Variants in PAIP2B observed in about 807,000 individuals in gnomAD.
The protein encoded by PAIP2B is polyadenylate-binding protein-interacting protein 2B.
PAIP2B carries 13 observed loss-of-function variants against 17.0 expected under a neutral mutation model. The observed-to-expected ratio is 0.76, with a 90% CI of 0.50 to 1.22. The LOEUF is 1.22. PAIP2B is among the 50% of genes most tolerant of loss of function. PAIP2B has a pLI of 0.00. For synonymous variants in PAIP2B, 43 were observed against 48.7 expected (o/e 0.88, Z 0.48); for missense variants, 117 against 144.5 (o/e 0.81, Z 0.98).
intron 2 of PAIP2B, among the ~76,000 whole-genome samples, chr2:71,191,764 C>T (rs1210791762): frequency 6.6e-6 from 1 of 152,210 alleles, no homozygotes; most frequent in African/African-American, 2.4e-5. Flanking sequence ...TTTCCCTCAG[C>T]CACGCAGCTG....
At chr2:71,215,736 G>A (rs1675414340) in intron 1 of PAIP2B, among the ~76,000 whole-genome samples, 2 of 152,174 alleles carry the variant, frequency 1.3e-5, no homozygotes, top group Non-Finnish European at 2.9e-5. Context: ...TCTCTTCAAC[G>A]CAAAGATTCT....
chr2:71,216,021 C>T (rs1675422094), intron 1 of PAIP2B, among the ~76,000 whole-genome samples: 1 of 152,174 alleles, frequency 6.6e-6, no homozygotes, highest in African/African-American at 2.4e-5. Context: ...AAACCCATAG[C>T]ATGCTTGATG....
rs554455581 is a variant in PAIP2B, at chr2:71,188,182, G to A, written c.*297C>T. ...AGCTTATTTTGTTTAAATACACACC[G>A]CGGAACACTTCTGATGAAGGGGGGA... On this transcript the variant is annotated 3_prime_UTR_variant, in exon 4 of 4. Transcript: ENST00000244221. 6 of 398,896 alleles carry A rather than the reference G, an allele frequency of 1.5e-5. No homozygotes were observed. Among genetic ancestry groups the A allele is most frequent in the East Asian group, 4.7e-5 (1 of 21,374 alleles). 24.7% of individuals were successfully genotyped at this position (398,896 alleles called of 1,614,324 possible). A position where few individuals can be genotyped will look rare whatever the true frequency, so the allele number is the denominator to read the frequency against.
chr2:71,189,994 A>T lies in PAIP2B; in HGVS notation c.166T>A (p.Phe56Ile), dbSNP rs1674644374. ...QVEEELQEQD[F>I]LDRCFQEMLD... ...ATCTCTTGGAAGCAGCGGTCCAAGA[A>T]GTCTTGCTCCTGCAGTTCCTCCTCC... The change falls in exon 3 of 4, where the codon TTC becomes ATC. Residue 56 changes from phenylalanine to isoleucine, a missense_variant. Coordinates refer to ENST00000244221, the MANE Select transcript of PAIP2B (RefSeq NM_020459.1). 2 of 1,612,714 alleles carry T rather than the reference A, an allele frequency of 1.2e-6. No homozygotes were observed. Among genetic ancestry groups the T allele is most frequent in the Admixed American group, 3.3e-5 (2 of 59,898 alleles).
At chr2:71,188,875 C>G (rs1283636363) in intron 3 of PAIP2B, among the ~76,000 whole-genome samples, 23 of 152,144 alleles carry the variant, frequency 1.5e-4, no homozygotes, top group Admixed American at 1.5e-3. Context: ...ATACCACAAT[C>G]TCTATTTTTC....
chr2:71,189,780 G>T, intron 3 of PAIP2B, 65 bp downstream of exon 3: 1 of 1,423,094 alleles, frequency 7.0e-7, no homozygotes. Context: ...TGGAAAGAAA[G>T]TCTGTCATTC....
At chr2:71,223,478 A>G (rs111673863) in intron 1 of PAIP2B, among the ~76,000 whole-genome samples, 24,282 of 148,892 alleles carry the variant, frequency 0.16, 2,112 homozygotes, top group African/African-American at 0.22. Flanking sequence ...TCACTCTGTC[A>G]CCCAGGCTGG....
At chr2:71,209,549 T>C (rs1675233507) in intron 1 of PAIP2B, among the ~76,000 whole-genome samples, 1 of 152,108 alleles carries the variant, frequency 6.6e-6, no homozygotes, top group African/African-American at 2.4e-5. Flanking sequence ...AGGAGAAAGA[T>C]TTTATCCATT....
chr2:71,184,553 C>A lies in PAIP2B; in HGVS notation c.*3926G>T, dbSNP rs796066580. The A allele has an allele frequency of 2.6e-5, 4 of 152,138 alleles. No individual in the cohort carries two copies. The highest frequency in any genetic ancestry group is 4.2e-4 in the South Asian group (2 of 4,810). The allele number at this position is 152,138 out of a possible 1,614,324, so 9.4% of individuals were successfully genotyped here. A position where few individuals can be genotyped will look rare whatever the true frequency, so the allele number is the denominator to read the frequency against. ...AGAAGATTAAAACAAAGGAAAAAAA[C>A]CCAAAAAAACTGTTTCCAAATTGTA... On this transcript the variant is annotated 3_prime_UTR_variant, in exon 4 of 4. Coordinates refer to ENST00000244221, the MANE Select transcript of PAIP2B (RefSeq NM_020459.1).
At chr2:71,192,945 G>C (rs1674723953) in intron 2 of PAIP2B, among the ~76,000 whole-genome samples, 1 of 152,224 alleles carries the variant, frequency 6.6e-6, no homozygotes, top group African/African-American at 2.4e-5. Context: ...ACATTCCTCT[G>C]GGTCTACAAC....
chr2:71,195,705 C>A (rs770262524), intron 2 of PAIP2B, among the ~76,000 whole-genome samples: 1 of 152,196 alleles, frequency 6.6e-6, no homozygotes, highest in Non-Finnish European at 1.5e-5. Flanking sequence ...GTGGTGCAAT[C>A]TCAGCTCCCT....
chr2:71,186,205 G>T lies in PAIP2B; in HGVS notation c.*2274C>A, dbSNP rs1674535446. 6.6e-6 allele frequency: 1 copy of T among 152,180 alleles called. No homozygotes were observed. Among genetic ancestry groups the T allele is most frequent in the Non-Finnish European group, 1.5e-5 (1 of 68,034 alleles). The allele number at this position is 152,180 out of a possible 1,614,324, so 9.4% of individuals were successfully genotyped here. On this transcript the variant is annotated 3_prime_UTR_variant, in exon 4 of 4. Transcript: ENST00000244221. ...CACACATGCATTTTCTGCTAAGAAG[G>T]TAGCAAACTCTAACTAGCCTGTGTT... is the stretch of plus-strand genomic sequence containing the variant.
chr2:71,201,537 T>C (rs1240688527), intron 2 of PAIP2B, among the ~76,000 whole-genome samples: 2 of 152,054 alleles, frequency 1.3e-5, no homozygotes, highest in South Asian at 4.2e-4. Context: ...GGTGCCACCA[T>C]GCCCAGCTAA....
chr2:71,210,855 G>A (rs542375367), intron 1 of PAIP2B, among the ~76,000 whole-genome samples: 10 of 152,288 alleles, frequency 6.6e-5, no homozygotes, highest in Non-Finnish European at 1.0e-4. Flanking sequence ...CAGATACTCT[G>A]GGAAGAATAA....
intron 2 of PAIP2B, among the ~76,000 whole-genome samples, chr2:71,193,104 C>CTT (rs969958125): frequency 1.3e-5 from 2 of 151,486 alleles, no homozygotes; most frequent in African/African-American, 4.8e-5. Context: ...CGTGTTTTTT[C>CTT]TTTTTTTTTA....
At position 71,184,947 on chromosome 2, in the gene PAIP2B, G is replaced by C. The variant is rs1429667545; in HGVS notation, c.*3532C>G. 6.6e-6 allele frequency: 1 copy of C among 152,120 alleles called. No individual in the cohort carries two copies. The highest frequency in any genetic ancestry group is 2.4e-5 in the African/African-American group (1 of 41,398). The allele number at this position is 152,120 out of a possible 1,614,324, so 9.4% of individuals were successfully genotyped here. A position where few individuals can be genotyped will look rare whatever the true frequency, so the allele number is the denominator to read the frequency against. ...TGAGAAAGATTATTAGCCCGTGATGGTGGGACCCTTATTGACGAAGGCCTG... is the reference window on the plus strand; with the variant it reads ...TGAGAAAGATTATTAGCCCGTGATGCTGGGACCCTTATTGACGAAGGCCTG... On this transcript the variant is annotated 3_prime_UTR_variant, in exon 4 of 4. Transcript: ENST00000244221.
intron 2 of PAIP2B, among the ~76,000 whole-genome samples, chr2:71,190,269 T>A (rs1421488754): frequency 2.6e-5 from 4 of 151,946 alleles, no homozygotes; most frequent in African/African-American, 9.7e-5. Flanking sequence ...AAAAAAATTT[T>A]AAAATTAGCC....
At chr2:71,201,128 A>G (rs1674974283) in intron 2 of PAIP2B, among the ~76,000 whole-genome samples, 1 of 152,036 alleles carries the variant, frequency 6.6e-6, no homozygotes, top group African/African-American at 2.4e-5. Flanking sequence ...AAACTCTTGA[A>G]TGTAGGAGTG....
intron 1 of PAIP2B, among the ~76,000 whole-genome samples, chr2:71,217,598 G>A (rs929200841): frequency 2.0e-5 from 3 of 152,194 alleles, no homozygotes; most frequent in Admixed American, 6.5e-5. Flanking sequence ...CAATGGACAT[G>A]AGGCAGAGTC....
Sources: allele counts gnomAD v4.1 joint callset (sites outside exome capture counted in the v4.1 genomes callset), GRCh38; gene constraint gnomAD v4.1.1; transcripts MANE v1.5; gene names NCBI Gene and HGNC (gene_info 2026-07-23, HGNC 2026-07-21).